Variants in EML5 observed in about 807,000 individuals in gnomAD.
The protein encoded by EML5 is echinoderm microtubule-associated protein-like 5.
Under a neutral mutation model 250.0 loss-of-function variants are expected in EML5, and 120 were observed. That is an observed-to-expected ratio of 0.48 (90% CI 0.41 to 0.56). EML5 has a LOEUF of 0.56. EML5 is among the 20% of genes least tolerant of loss of function. EML5 has a pLI of 0.00. For synonymous variants in EML5, 771 were observed against 806.5 expected (o/e 0.96, Z 0.75); for missense variants, 2,006 against 2,437.6 (o/e 0.82, Z 3.73).
chr14:88,787,061 T>C (rs959065186), intron 1 of EML5, among the ~76,000 whole-genome samples: 1 of 152,112 alleles, frequency 6.6e-6, no homozygotes, highest in African/African-American at 2.4e-5. Flanking sequence ...TATAAGCAAA[T>C]TCTTCAAATA....
intron 4 of EML5, among the ~76,000 whole-genome samples, chr14:88,743,659 G>C (rs141357275): frequency 6.6e-6 from 1 of 152,140 alleles, no homozygotes; most frequent in Non-Finnish European, 1.5e-5. Flanking sequence ...TACTCATGTT[G>C]CTTCTCCCAC....
chr14:88,665,624 T>A, intron 21 of EML5, 135 bp from the exon 22 acceptor site: 1 of 1,144,210 alleles, frequency 8.7e-7, no homozygotes, highest in Non-Finnish European at 1.2e-6. Flanking sequence ...GCCAGGAGGT[T>A]AAGACCAGCC....
chr14:88,620,996 TTTC>T lies in EML5; in HGVS notation c.5203-73_5203-71del. The T allele has an allele frequency of 6.8e-7, 1 of 1,470,366 alleles. No homozygotes were observed. Among genetic ancestry groups the T allele is most frequent in the Non-Finnish European group, 9.0e-7 (1 of 1,112,438 alleles). 91.1% of individuals were successfully genotyped at this position (1,470,366 alleles called of 1,614,324 possible). On this transcript the variant is annotated intron_variant, in intron 38 of 43. Transcript: ENST00000554922. This position sits in a 1 kb window ranked among gnomAD's most constrained non-coding sequence, Gnocchi z 4.3. The stretch of plus-strand genomic sequence containing the variant: ...GTGAAGTACTTCTAAATTATACCAG[TTTC>T]CCCTCAAAATGCTCAACAGAATTCT...
chr14:88,615,069 C>T lies in EML5; in HGVS notation c.*749G>A, dbSNP rs926511201. ...CCATTGGGAATGATTGTTCATCATA[C>T]TACTTTTCCATTAGTGAGGCTACAG... On this transcript the variant is annotated 3_prime_UTR_variant, in exon 44 of 44. Transcript: ENST00000554922. 1 of 152,178 alleles carries T rather than the reference C, an allele frequency of 6.6e-6. No individual in the cohort carries two copies. Among genetic ancestry groups the T allele is most frequent in the Admixed American group, 6.5e-5 (1 of 15,274 alleles). The allele number at this position is 152,178 out of a possible 1,614,324, so 9.4% of individuals were successfully genotyped here.
At chr14:88,649,306 GATTACAGGCCTGAGCCACA>G (rs1446311575) in intron 28 of EML5, among the ~76,000 whole-genome samples, 2 of 152,110 alleles carry the variant, frequency 1.3e-5, no homozygotes. Context: ...CAAGTGCTGA[GATTACAGGCCTGAGCCACA>G]ATTACAGGCC....
At chr14:88,633,474 T>A (rs1420761687) in intron 33 of EML5, among the ~76,000 whole-genome samples, 1 of 152,120 alleles carries the variant, frequency 6.6e-6, no homozygotes, top group Non-Finnish European at 1.5e-5. Context: ...AAGTGTGATA[T>A]TCAAAAACTA....
rs969256186 is a variant in EML5 at position 88,696,855 on chromosome 14, T to C, written c.2336A>G (p.Asp779Gly). 1.9e-6 allele frequency: 3 copies of C among 1,603,390 alleles called. No individual in the cohort carries two copies. The Admixed American group carries it at 5.1e-5, about 27-fold the overall frequency. ...GHHQYGVSAVDFSADGKRLAS... is the reference protein window; with the variant it reads ...GHHQYGVSAVGFSADGKRLAS... ...ACAGCAAACAGCCTTACCTGAGAAA[T>C]CAACGGCACTAACACCATACTGGTG... The change falls in exon 15 of 44, where the codon GAT (aspartate) becomes GGT (glycine). Residue 779 changes from aspartate (D) to glycine (G), a missense_variant. This residue lies in a region of EML5 where 1,375 missense variants were observed against 1,590.3 expected (regional missense o/e 0.86). Transcript: ENST00000554922.
Position 88,706,409 on chromosome 14 carries a change from AT to A in EML5, c.1674del (p.Lys558AsnfsTer9). ...PCLRKGAKFRKYIGHSAHVTN... is the reference protein window; with the variant it reads ...PCLRKGAKFRXYIGHSAHVTN... Reference sequence around the variant, plus strand: ...GTTACGTGAGCTGAATGGCCAATATATTTTCTAAACTTGGCCCCTATAATAA... The same window carrying A: ...GTTACGTGAGCTGAATGGCCAATATATTTCTAAACTTGGCCCCTATAATAA... On this transcript the variant is annotated frameshift_variant, in exon 11 of 44. Coordinates refer to ENST00000554922, the MANE Select transcript of EML5 (RefSeq NM_183387.3). LOFTEE classifies it high-confidence loss of function. 2 of 1,567,598 alleles carry A rather than the reference AT, an allele frequency of 1.3e-6. No individual in the cohort carries two copies. Among genetic ancestry groups the A allele is most frequent in the Non-Finnish European group, 1.7e-6 (2 of 1,160,198 alleles).
At chr14:88,668,395 C>T (rs1595449431) in intron 21 of EML5, among the ~76,000 whole-genome samples, 1 of 151,830 alleles carries the variant, frequency 6.6e-6, no homozygotes, top group East Asian at 1.9e-4. Flanking sequence ...AAGAAACAGA[C>T]ACGCACGGGT....
At position 88,695,992 on chromosome 14, in the gene EML5, A is replaced by G. The variant is rs529324395; in HGVS notation, c.2345-538T>C. On this transcript the variant is annotated intron_variant, in intron 15 of 43. Transcript: ENST00000554922. ...GCGACAAATGATCAGTGAATATCCTATGGGTGTGCATGTTTACAGGCTGTA... is the reference window on the plus strand; with the variant it reads ...GCGACAAATGATCAGTGAATATCCTGTGGGTGTGCATGTTTACAGGCTGTA... Among the ~76,000 whole-genome samples the G allele has an allele frequency of 1.2e-4, 18 of 152,184 alleles. No individual in the cohort carries two copies. In the South Asian group the frequency reaches 2.9e-3, roughly 25 times the overall value.
At chr14:88,774,246 C>G (rs2094425969) in intron 1 of EML5, among the ~76,000 whole-genome samples, 1 of 152,180 alleles carries the variant, frequency 6.6e-6, no homozygotes, top group Non-Finnish European at 1.5e-5. Context: ...TTTTTAGTAA[C>G]TTTCCAGGTG....
At chr14:88,715,254 T>C in intron 8 of EML5, 59 bp from the exon 9 acceptor site, 22 of 1,467,894 alleles carry the variant, frequency 1.5e-5, no homozygotes, top group Non-Finnish European at 1.9e-5. Context: ...ATTAATGCCG[T>C]TTCAAACATG....
intron 21 of EML5, among the ~76,000 whole-genome samples, chr14:88,669,813 C>G (rs1234806699): frequency 6.6e-6 from 1 of 152,146 alleles, no homozygotes; most frequent in Non-Finnish European, 1.5e-5. Flanking sequence ...ACAGGGGTTG[C>G]TAGACACCTT....
intron 10 of EML5, among the ~76,000 whole-genome samples, chr14:88,708,334 T>G (rs1463343824): frequency 6.6e-6 from 1 of 152,172 alleles, no homozygotes; most frequent in African/African-American, 2.4e-5. Flanking sequence ...GATTACCCCT[T>G]GTGATTATAT....
intron 30 of EML5, 88 bp downstream of exon 30, chr14:88,644,345 T>C: frequency 8.1e-7 from 1 of 1,235,186 alleles, no homozygotes; most frequent in Non-Finnish European, 1.1e-6. Flanking sequence ...ACACTGATTT[T>C]CATGAAAACT....
chr14:88,784,281 G>C (rs978105461), intron 1 of EML5, among the ~76,000 whole-genome samples: 4 of 151,108 alleles, frequency 2.6e-5, no homozygotes, highest in African/African-American at 9.7e-5. Context: ...TTAGTAGAAA[G>C]AAATAAGATC....
At chr14:88,681,110 A>C (rs937076336) in intron 21 of EML5, among the ~76,000 whole-genome samples, 1 of 152,228 alleles carries the variant, frequency 6.6e-6, no homozygotes, top group African/African-American at 2.4e-5. Flanking sequence ...ACTTGAAAAC[A>C]AATAGAAGTT....
intron 1 of EML5, among the ~76,000 whole-genome samples, chr14:88,766,537 G>A (rs145658728): frequency 2.4e-3 from 366 of 152,218 alleles, no homozygotes; most frequent in African/African-American, 6.9e-3. Flanking sequence ...CAGACCGGTC[G>A]TCTGCTCTCA....
chr14:88,660,277 T>TGG, intron 25 of EML5, among the ~76,000 whole-genome samples: 1 of 139,058 alleles, frequency 7.2e-6, no homozygotes. Flanking sequence ...AGAGAGACGC[T>TGG]GTCTTAAAAA....
Sources: allele counts gnomAD v4.1 joint callset (sites outside exome capture counted in the v4.1 genomes callset), GRCh38; gene constraint gnomAD v4.1.1; regional missense constraint gnomAD v4.1.1; non-coding constraint Gnocchi (gnomAD v3.1); transcripts MANE v1.5; gene names NCBI Gene and HGNC (gene_info 2026-07-23, HGNC 2026-07-21).